DPP6: variants seen among roughly 807,000 people sequenced by gnomAD.
DPP6 encodes A-type potassium channel modulatory protein DPP6.
A neutral mutation model predicts 122.6 loss-of-function variants in DPP6; 69 were observed. That is an observed-to-expected ratio of 0.56 (90% CI 0.46 to 0.69). DPP6 has a LOEUF of 0.69. Ranked by LOEUF, DPP6 falls within the 30% of genes least tolerant of loss-of-function variation. DPP6 has a pLI of 0.00. For missense variants in DPP6, 928 were observed against 1,116.9 expected (o/e 0.83, Z 2.41); for synonymous variants, 418 against 433.1 (o/e 0.97, Z 0.43).
At chr7:153,857,572 T>C in the DPP6 span, among the ~76,000 whole-genome samples, 1 of 152,162 alleles carries the variant, frequency 6.6e-6, no homozygotes, top group African/African-American at 2.4e-5. Context: ...GGATATACTT[T>C]GAATGTTAAG....
At chr7:154,619,151 T>C (rs1328724895) in intron 5 of DPP6, among the ~76,000 whole-genome samples, 2 of 152,190 alleles carry the variant, frequency 1.3e-5, no homozygotes, top group African/African-American at 4.8e-5. Context: ...TTAAACCTCC[T>C]TTCCTTGTAA....
chr7:153,898,553 A>C (rs968138869), intron 1 of DPP6, among the ~76,000 whole-genome samples: 1 of 152,246 alleles, frequency 6.6e-6, no homozygotes, highest in African/African-American at 2.4e-5. Flanking sequence ...ACATACATCA[A>C]AATATCACAT....
chr7:154,844,346 C>A (rs1801786050), intron 16 of DPP6, among the ~76,000 whole-genome samples: 1 of 152,126 alleles, frequency 6.6e-6, no homozygotes, highest in Non-Finnish European at 1.5e-5. Flanking sequence ...TGAATGGTAC[C>A]AGCTTCCCCA....
intron 17 of DPP6, among the ~76,000 whole-genome samples, chr7:154,857,743 G>A (rs531428139): frequency 2.0e-5 from 3 of 152,336 alleles, no homozygotes; most frequent in Middle Eastern, 3.4e-3. Context: ...CGTGGCCTCT[G>A]CAGTGGATGA....
chr7:154,745,482 C>G (rs1022065228), intron 8 of DPP6, among the ~76,000 whole-genome samples: 2 of 152,176 alleles, frequency 1.3e-5, no homozygotes, highest in African/African-American at 2.4e-5. Flanking sequence ...GCCTTCCCAT[C>G]TCATTAGAGG....
chr7:154,522,345 T>A (rs1369725150), intron 3 of DPP6, among the ~76,000 whole-genome samples: 1 of 152,110 alleles, frequency 6.6e-6, no homozygotes, highest in African/African-American at 2.4e-5. Flanking sequence ...TCCCGCCACG[T>A]ATGTTAAAGT....
chr7:153,836,362 A>G, the DPP6 span, among the ~76,000 whole-genome samples: 2 of 152,102 alleles, frequency 1.3e-5, no homozygotes, highest in African/African-American at 4.8e-5. Flanking sequence ...GTACAGGGGG[A>G]AGAAGAGTGC....
At position 154,403,932 on chromosome 7, in the gene DPP6, C is replaced by T. The variant is rs1310683639; in HGVS notation, c.244-42282C>T. Among the ~76,000 whole-genome samples, 1 of 152,202 alleles carries T rather than the reference C, an allele frequency of 6.6e-6. No individual in the cohort carries two copies. Among genetic ancestry groups the T allele is most frequent in the Non-Finnish European group, 1.5e-5 (1 of 68,036 alleles). On this transcript the variant is annotated intron_variant, in intron 1 of 25. Transcript: ENST00000377770. This position sits in a 1 kb window ranked among gnomAD's most constrained non-coding sequence, Gnocchi z 4.1. ...CTCGGAAGGCCACTGATTTTAAGCTCATTAAACTCACATTCACCTTTGTCT... is the reference window on the plus strand; with the variant it reads ...CTCGGAAGGCCACTGATTTTAAGCTTATTAAACTCACATTCACCTTTGTCT...
rs771159835 is a variant in DPP6 at position 154,775,999 on chromosome 7, G to A, written c.1136+3057G>A. ...TGGCATCAGCCTGCAACCCCCCGCCGTTCCCCACTCCTCCCTGGCCTGGCC... is the reference window on the plus strand; with the variant it reads ...TGGCATCAGCCTGCAACCCCCCGCCATTCCCCACTCCTCCCTGGCCTGGCC... On this transcript the variant is annotated intron_variant, in intron 10 of 25. Coordinates refer to ENST00000377770, the MANE Select transcript of DPP6 (RefSeq NM_130797.4). 1.6e-4 allele frequency among the ~76,000 whole-genome samples: 24 copies of A among 150,448 alleles called. No homozygotes were observed. In the South Asian group the frequency reaches 3.6e-3, roughly 22 times the overall value.
chr7:154,255,183 C>T (rs1166247319), intron 1 of DPP6, among the ~76,000 whole-genome samples: 1 of 152,018 alleles, frequency 6.6e-6, no homozygotes, highest in Non-Finnish European at 1.5e-5. Context: ...GAGGCACAGG[C>T]GGCTGTGGTG....
intron 8 of DPP6, among the ~76,000 whole-genome samples, chr7:154,767,058 G>C (rs989330851): frequency 6.6e-6 from 1 of 152,166 alleles, no homozygotes; most frequent in Non-Finnish European, 1.5e-5. Flanking sequence ...TTGTCTCTTC[G>C]GGGGTTTTGT....
intron 17 of DPP6, among the ~76,000 whole-genome samples, chr7:154,855,053 A>C (rs4960560): frequency 0.53 from 80,329 of 151,444 alleles, 21,699 homozygotes; most frequent in East Asian, 0.8. Flanking sequence ...CCTGATTCCT[A>C]TCTCTGTGGT....
intron 1 of DPP6, among the ~76,000 whole-genome samples, chr7:153,971,377 GC>G: frequency 6.6e-6 from 1 of 150,916 alleles, no homozygotes; most frequent in East Asian, 2.0e-4. Context: ...TGCAAATCAA[GC>G]CAGTTTTACT....
At chr7:153,770,270 A>G in the DPP6 span, among the ~76,000 whole-genome samples, 1 of 152,328 alleles carries the variant, frequency 6.6e-6, no homozygotes, top group East Asian at 1.9e-4. Context: ...GAGAATCAGC[A>G]GTAATATATT....
chr7:154,027,349 A>G (rs1227199571), intron 1 of DPP6, among the ~76,000 whole-genome samples: 2 of 152,146 alleles, frequency 1.3e-5, no homozygotes, highest in African/African-American at 4.8e-5. Flanking sequence ...GAGTTTGCTT[A>G]TTATAGCCAT....
chr7:154,299,723 A>G (rs1805777857), intron 1 of DPP6, among the ~76,000 whole-genome samples: 1 of 152,232 alleles, frequency 6.6e-6, no homozygotes, highest in Non-Finnish European at 1.5e-5. Context: ...CTTCCTGAGC[A>G]AATCAGCCGG....
At position 154,510,587 on chromosome 7, in the gene DPP6, G is replaced by A. The variant is rs189878485; in HGVS notation, c.458-29945G>A. On this transcript the variant is annotated intron_variant, in intron 3 of 25. Coordinates refer to ENST00000377770, the MANE Select transcript of DPP6 (RefSeq NM_130797.4). ...GATAGCAGGTGCCTGTAATCCCAGCGACTTGGGAGGATGAAGCAGGAGAAT... is the reference window on the plus strand; with the variant it reads ...GATAGCAGGTGCCTGTAATCCCAGCAACTTGGGAGGATGAAGCAGGAGAAT... Among the ~76,000 whole-genome samples, 324 of 151,764 alleles carry A rather than the reference G, an allele frequency of 2.1e-3. 1 individual carries two copies. In the South Asian group the frequency reaches 0.024, roughly 11 times the overall value.
At chr7:154,687,150 ATGTACCCTGAG>A (rs1839663775) in intron 7 of DPP6, among the ~76,000 whole-genome samples, 1 of 152,198 alleles carries the variant, frequency 6.6e-6, no homozygotes, top group African/African-American at 2.4e-5. Context: ...TAGACGCTTG[ATGTACCCTGAG>A]TGTACATACT....
chr7:154,538,061 T>C (rs183826052), intron 3 of DPP6, among the ~76,000 whole-genome samples: 18 of 151,938 alleles, frequency 1.2e-4, no homozygotes, highest in Admixed American at 4.6e-4. Context: ...CTAAACAACA[T>C]AGTATTTAAA....
Sources: allele counts gnomAD v4.1 joint callset (sites outside exome capture counted in the v4.1 genomes callset), GRCh38; gene constraint gnomAD v4.1.1; non-coding constraint Gnocchi (gnomAD v3.1); transcripts MANE v1.5; gene names NCBI Gene and HGNC (gene_info 2026-07-23, HGNC 2026-07-21).